The following MDH1B variants were observed in gnomAD, a reference collection of about 807,000 sequenced individuals.
MDH1B encodes malate dehydrogenase 1B.
Under a neutral mutation model 61.4 loss-of-function variants are expected in MDH1B, and 60 were observed. That is an observed-to-expected ratio of 0.98 (90% CI 0.79 to 1.21). The LOEUF (loss-of-function observed/expected upper bound fraction) is 1.21, where lower values mean the gene tolerates loss of function less well. Ranked by LOEUF, MDH1B falls within the 50% of genes most tolerant of loss-of-function variation. MDH1B has a pLI of 0.00. For missense variants in MDH1B, 587 were observed against 632.1 expected (o/e 0.93, Z 0.76); for synonymous variants, 236 against 218.7 (o/e 1.08, Z -0.70).
intron 10 of MDH1B, among the ~76,000 whole-genome samples, 183 bp from the exon 11 acceptor site, chr2:206,739,844 C>G (rs1687708247): frequency 6.6e-6 from 1 of 152,130 alleles, no homozygotes. Flanking sequence ...GATGACTTAT[C>G]TATGTCCTGA....
intron 1 of MDH1B, among the ~76,000 whole-genome samples, chr2:206,763,453 C>A (rs979876275): frequency 6.6e-6 from 1 of 152,178 alleles, no homozygotes. Context: ...AATCAACTCC[C>A]TCCTGGACTA....
chr2:206,755,154 C>T lies in MDH1B; in HGVS notation c.765G>A (p.Val255=). ...KNAHESVRVI[V]GGRTFVNLKT... ...TCAGGTTTACAAAGGTTCTCCCTCC[C>T]ACGATGACTCTGACAGACTCATGAG... The change falls in exon 5 of 12, where the codon GTG becomes GTA. Residue 255 remains valine (V), a synonymous_variant. Transcript: ENST00000374412. The T allele has an allele frequency of 6.2e-7, 1 of 1,614,178 alleles. No homozygotes were observed. The highest frequency in any genetic ancestry group is 2.2e-5 in the East Asian group (1 of 44,874).
In MDH1B at chr2:206,739,615, T is replaced by C. The variant is rs774988757; in HGVS notation, c.1506A>G (p.Pro502=). ...NQIPQTTFEK[P]QSLEFLNEFE... ...TACCATTTAGGAACTCAAGACTCTGTGGCTTTTCAAAGGTGGTTTGAGGAA... is the reference window on the plus strand; with the variant it reads ...TACCATTTAGGAACTCAAGACTCTGCGGCTTTTCAAAGGTGGTTTGAGGAA... The change falls in exon 11 of 12, where the codon CCA becomes CCG. Residue 502 remains proline (P), a synonymous_variant. Transcript: ENST00000374412. The C allele has an allele frequency of 1.2e-6, 2 of 1,614,048 alleles. No homozygotes were observed. Among genetic ancestry groups the C allele is most frequent in the Non-Finnish European group, 1.7e-6 (2 of 1,179,934 alleles).
chr2:206,746,186 A>G, intron 8 of MDH1B, 101 bp downstream of exon 8: 1 of 1,071,378 alleles, frequency 9.3e-7, no homozygotes, highest in Non-Finnish European at 1.3e-6. Flanking sequence ...GAATTAAAAA[A>G]AAATTTGAAT....
In MDH1B at chr2:206,748,585, G is replaced by T. The variant is rs139577329; in HGVS notation, c.1216+435C>A. On this transcript the variant is annotated intron_variant, in intron 7 of 11. Transcript: ENST00000374412. ...GTGCTCCTATGGTTCCCTGTGCCCA[G>T]TGTTCTTTCCACACTTGTCTTCCAG... is the stretch of plus-strand genomic sequence containing the variant. Among the ~76,000 whole-genome samples, 758 of 152,278 alleles carry T rather than the reference G, an allele frequency of 5.0e-3. 3 individuals carry two copies. Among genetic ancestry groups the T allele is most frequent in the South Asian group, 0.015 (73 of 4,824 alleles).
chr2:206,739,143 C>T (rs995983444), intron 11 of MDH1B, among the ~76,000 whole-genome samples: 7 of 152,078 alleles, frequency 4.6e-5, no homozygotes, highest in Admixed American at 3.3e-4. Context: ...AGGCCAGGCA[C>T]GGTGGCTCAC....
At chr2:206,758,735 T>C (rs985790352) in intron 2 of MDH1B, among the ~76,000 whole-genome samples, 2 of 151,502 alleles carry the variant, frequency 1.3e-5, no homozygotes, top group Non-Finnish European at 2.9e-5. Flanking sequence ...CATTGCACTC[T>C]AGCCTGGGCG....
At chr2:206,756,869 T>C in intron 4 of MDH1B, 29 bp downstream of exon 4, 3 of 1,608,736 alleles carry the variant, frequency 1.9e-6, no homozygotes, top group Non-Finnish European at 2.5e-6. Context: ...AAAGTAAATC[T>C]CATGAATCCT....
At chr2:206,740,782 G>A (rs2105914986) in intron 10 of MDH1B, among the ~76,000 whole-genome samples, 1 of 152,246 alleles carries the variant, frequency 6.6e-6, no homozygotes, top group Middle Eastern at 3.4e-3. Flanking sequence ...AAAAGGGAAA[G>A]GTGAGAAGCA....
intron 2 of MDH1B, among the ~76,000 whole-genome samples, chr2:206,759,367 C>T (rs1247255764): frequency 6.6e-6 from 1 of 152,128 alleles, no homozygotes; most frequent in Admixed American, 6.5e-5. Context: ...ACCACATTTT[C>T]TTTCTCCAGT....
intron 8 of MDH1B, among the ~76,000 whole-genome samples, chr2:206,746,020 A>G (rs111866871): frequency 0.097 from 14,728 of 152,126 alleles, 808 homozygotes; most frequent in East Asian, 0.2. Context: ...GAGCCACTGC[A>G]CCCGGCAACT....
chr2:206,760,990 CATA>C lies in MDH1B; in HGVS notation c.43_45del (p.Tyr15del). ...TAGTCTGCCACAAGTTCTGTTTTAG[CATA>C]ATATGGACAATCTGCTCTACCTAAA... On this transcript the variant is annotated inframe_deletion, in exon 2 of 12. Transcript: ENST00000374412. 2 of 1,607,734 alleles carry C rather than the reference CATA, an allele frequency of 1.2e-6. No homozygotes were observed. Among genetic ancestry groups the C allele is most frequent in the Non-Finnish European group, 1.7e-6 (2 of 1,174,698 alleles).
intron 7 of MDH1B, among the ~76,000 whole-genome samples, chr2:206,747,803 T>C (rs1688202746): frequency 6.6e-6 from 1 of 151,782 alleles, no homozygotes; most frequent in Non-Finnish European, 1.5e-5. Context: ...ACTGAAACAA[T>C]AGGGAAGATG....
chr2:206,745,453 G>T, intron 9 of MDH1B, 169 bp downstream of exon 9: 1 of 655,394 alleles, frequency 1.5e-6, no homozygotes, highest in Non-Finnish European at 2.8e-6. Context: ...ATTCTTATGA[G>T]ATGTTTTATT....
intron 4 of MDH1B, among the ~76,000 whole-genome samples, chr2:206,756,307 A>G (rs1241295550): frequency 6.6e-6 from 1 of 152,210 alleles, no homozygotes; most frequent in East Asian, 1.9e-4. Context: ...AAATGAGTAT[A>G]TATTAGGATA....
chr2:206,756,428 A>C lies in MDH1B; in HGVS notation c.413+470T>G, dbSNP rs555332676. ...GACAGAGAGACAGTGCAGAGAAAGA[A>C]AGAGAGAGAGTATGACAACAAAGAC... On this transcript the variant is annotated intron_variant, in intron 4 of 11. Coordinates refer to ENST00000374412, the MANE Select transcript of MDH1B (RefSeq NM_001039845.3). 2.6e-5 allele frequency among the ~76,000 whole-genome samples: 4 copies of C among 152,168 alleles called. No homozygotes were observed. The South Asian group carries it at 8.3e-4, about 32-fold the overall frequency.
intron 7 of MDH1B, among the ~76,000 whole-genome samples, chr2:206,747,523 C>A (rs1480888230): frequency 1.3e-5 from 2 of 151,526 alleles, no homozygotes; most frequent in South Asian, 2.1e-4. Context: ...TGTTCATGCA[C>A]CTTAACTTCA....
At chr2:206,763,633 A>G (rs1018319661) in intron 1 of MDH1B, among the ~76,000 whole-genome samples, 2 of 152,182 alleles carry the variant, frequency 1.3e-5, no homozygotes, top group Non-Finnish European at 2.9e-5. Flanking sequence ...AAGAATCTAC[A>G]TTATCTAACT....
intron 2 of MDH1B, among the ~76,000 whole-genome samples, 164 bp from the exon 3 acceptor site, chr2:206,757,535 T>G (rs1016393466): frequency 2.0e-5 from 3 of 152,150 alleles, no homozygotes; most frequent in Non-Finnish European, 4.4e-5. Flanking sequence ...ATATAGAAAA[T>G]AGTGATGTTA....
Sources: gnomAD v4.1 joint callset for allele counts (sites outside exome capture counted in the v4.1 genomes callset) on GRCh38, gnomAD v4.1.1 for gene constraint, MANE v1.5 for transcripts, NCBI Gene and HGNC (gene_info 2026-07-23, HGNC 2026-07-21) for gene names.